The following PMM2 variants were observed in gnomAD, a reference collection of about 807,000 sequenced individuals.
PMM2 encodes phosphomannomutase 2.
Under a neutral mutation model 33.2 loss-of-function variants are expected in PMM2, and 35 were observed. The observed-to-expected ratio is 1.06, with a 90% CI of 0.81 to 1.40. The LOEUF (loss-of-function observed/expected upper bound fraction) is 1.40. PMM2 is among the 40% of genes most tolerant of loss of function. PMM2 has a pLI of 0.00. For missense variants in PMM2, 386 were observed against 306.0 expected, an observed-to-expected ratio of 1.26 and a Z score of -1.95; for synonymous variants, 153 against 114.7, an observed-to-expected ratio of 1.33 and a Z score of -2.13.
At chr16:8,832,590 C>A in intron 7 of PMM2, 1 of 985,428 alleles carries the variant, frequency 1.0e-6, no homozygotes, top group Non-Finnish European at 1.2e-6. Flanking sequence ...GGGTCTCTTC[C>A]CAGGTAATGG....
At chr16:8,844,573 C>T (rs966820014) in intron 7 of PMM2, among the ~76,000 whole-genome samples, 1 of 152,158 alleles carries the variant, frequency 6.6e-6, no homozygotes, top group South Asian at 2.1e-4. Context: ...CTCAGAAAAG[C>T]GGGACTTGCC....
At chr16:8,800,587 A>G (rs1043096291) in intron 1 of PMM2, among the ~76,000 whole-genome samples, 28 of 152,126 alleles carry the variant, frequency 1.8e-4, no homozygotes, top group Non-Finnish European at 3.2e-4. Flanking sequence ...AGAAGAGACT[A>G]AAAAATCTAG....
intron 7 of PMM2, among the ~76,000 whole-genome samples, chr16:8,838,451 G>C (rs2060867098): frequency 6.6e-6 from 1 of 151,938 alleles, no homozygotes; most frequent in Non-Finnish European, 1.5e-5. Context: ...TGAAGTATTG[G>C]GGCGGTGAAA....
At chr16:8,827,727 TA>T (rs1262067584) in intron 7 of PMM2, among the ~76,000 whole-genome samples, 19 of 12,238 alleles carry the variant, frequency 1.6e-3, no homozygotes, top group Non-Finnish European at 2.0e-3. Context: ...TGCATATATA[TA>T]TATATATATA....
chr16:8,817,542 A>G (rs1351233388), intron 7 of PMM2, among the ~76,000 whole-genome samples: 1 of 152,234 alleles, frequency 6.6e-6, no homozygotes, highest in Non-Finnish European at 1.5e-5. Flanking sequence ...CAGTTCTTGG[A>G]TAATCAGAAA....
In PMM2 at chr16:8,801,787, C is replaced by T; in HGVS notation, c.67-12C>T. 3 of 1,557,680 alleles carry T rather than the reference C, an allele frequency of 1.9e-6. No individual in the cohort carries two copies. Among genetic ancestry groups the T allele is most frequent in the Non-Finnish European group, 8.8e-7 (1 of 1,134,342 alleles). On this transcript the variant is annotated splice_polypyrimidine_tract_variant and intron_variant, in intron 1 of 7. Coordinates refer to ENST00000268261, the MANE Select transcript of PMM2 (RefSeq NM_000303.3). ...GGCTTATGACTGTTGTATTTTCTTTCTTGAAATTTAGAAAATTACCAAAGA... is the reference window on the plus strand; with the variant it reads ...GGCTTATGACTGTTGTATTTTCTTTTTTGAAATTTAGAAAATTACCAAAGA...
chr16:8,808,022 T>C (rs1324680437), intron 4 of PMM2: 1 of 152,216 alleles, frequency 6.6e-6, no homozygotes, highest in Non-Finnish European at 1.5e-5. Flanking sequence ...TTTCAACACT[T>C]ACTATGTAAC....
intron 6 of PMM2, among the ~76,000 whole-genome samples, chr16:8,812,720 T>C (rs1270751489): frequency 1.3e-5 from 2 of 152,196 alleles, no homozygotes; most frequent in Admixed American, 6.5e-5. Context: ...ACCACACGCT[T>C]GACAGGGCGC....
intron 7 of PMM2, among the ~76,000 whole-genome samples, chr16:8,838,068 A>G (rs1220295667): frequency 6.6e-6 from 1 of 152,072 alleles, no homozygotes; most frequent in Admixed American, 6.6e-5. Flanking sequence ...GTCCGAAAAG[A>G]GAGTCAGCAA....
At chr16:8,836,932 C>T (rs1050993040) in intron 7 of PMM2, among the ~76,000 whole-genome samples, 1 of 151,868 alleles carries the variant, frequency 6.6e-6, no homozygotes, top group Non-Finnish European at 1.5e-5. Flanking sequence ...AATTGCTGGG[C>T]AGGTGGGGGA....
At chr16:8,810,840 A>G in intron 4 of PMM2, 1 of 563,154 alleles carries the variant, frequency 1.8e-6, no homozygotes, top group South Asian at 2.0e-5. Context: ...TGATTGATGC[A>G]ATTACATTCC....
intron 4 of PMM2, chr16:8,810,417 A>AGCTCTTTATT (rs2060671025): frequency 1.3e-5 from 2 of 152,380 alleles, no homozygotes; most frequent in East Asian, 1.9e-4. Flanking sequence ...ATTAACCACA[A>AGCTCTTTATT]AATTATCTGC....
chr16:8,803,805 T>G (rs1179611646), intron 2 of PMM2, among the ~76,000 whole-genome samples: 1 of 151,776 alleles, frequency 6.6e-6, no homozygotes, highest in African/African-American at 2.4e-5. Context: ...TGCCTCAGCC[T>G]CCGAAGTAGC....
chr16:8,802,336 C>T (rs1180377484), intron 2 of PMM2: 1 of 455,814 alleles, frequency 2.2e-6, no homozygotes, highest in Non-Finnish European at 4.4e-6. Context: ...TTATTGACCC[C>T]TTCACTGGAG....
chr16:8,818,940 C>G (rs1263445486), intron 7 of PMM2, among the ~76,000 whole-genome samples: 1 of 151,366 alleles, frequency 6.6e-6, no homozygotes, highest in Non-Finnish European at 1.5e-5. Context: ...CAGAAACCAC[C>G]CTGGCTGGAT....
chr16:8,815,694 T>TA (rs2060704180), intron 7 of PMM2, among the ~76,000 whole-genome samples: 1 of 152,098 alleles, frequency 6.6e-6, no homozygotes. Flanking sequence ...ATTAAAGACT[T>TA]AAACACAGGA....
Position 8,848,052 on chromosome 16 carries a change from G to T in PMM2, c.*227G>T. 1 of 548,120 alleles carries T rather than the reference G, an allele frequency of 1.8e-6. No homozygotes were observed. Among genetic ancestry groups the T allele is most frequent in the Admixed American group, 3.0e-5 (1 of 33,106 alleles). The allele number at this position is 548,120 out of a possible 1,614,324, so 34.0% of individuals were successfully genotyped here. On this transcript the variant is annotated 3_prime_UTR_variant, in exon 8 of 8. Transcript: ENST00000268261. ...GCCCAGAGGAATGCCTCGCACAAAA[G>T]GTCTTCCCCACCCACCCCCAGCCCC...
At chr16:8,804,204 A>G (rs1294856279) in intron 2 of PMM2, among the ~76,000 whole-genome samples, 6 of 148,966 alleles carry the variant, frequency 4.0e-5, no homozygotes, top group Non-Finnish European at 5.9e-5. Context: ...ATGCCTGGCT[A>G]ATTTTTTGTA....
chr16:8,843,699 G>C (rs1259574148), intron 7 of PMM2, among the ~76,000 whole-genome samples: 1 of 152,188 alleles, frequency 6.6e-6, no homozygotes, highest in Non-Finnish European at 1.5e-5. Context: ...TGAAGGTGAG[G>C]TTAATTAAGT....
Sources: gnomAD v4.1 joint callset for allele counts (sites outside exome capture counted in the v4.1 genomes callset) on GRCh38, gnomAD v4.1.1 for gene constraint, MANE v1.5 for transcripts, NCBI Gene and HGNC (gene_info 2026-07-23, HGNC 2026-07-21) for gene names.